KCNIP1: variants seen among roughly 807,000 people sequenced by gnomAD.
KCNIP1 encodes the protein potassium voltage-gated channel interacting protein 1.
KCNIP1 carries 18 observed loss-of-function variants against 33.0 expected under a neutral mutation model. That is an observed-to-expected ratio of 0.55 (90% confidence interval 0.38 to 0.81). The LOEUF is 0.81. Ranked by LOEUF, KCNIP1 falls within the 30% of genes least tolerant of loss-of-function variation. The pLI is 0.00. For missense variants in KCNIP1, 238 were observed against 271.6 expected (o/e 0.88, Z 0.87); for synonymous variants, 93 against 98.3 (o/e 0.95, Z 0.32).
intron 1 of KCNIP1, among the ~76,000 whole-genome samples, chr5:170,671,969 A>G (rs540543691): frequency 1.3e-5 from 2 of 152,326 alleles, no homozygotes; most frequent in South Asian, 2.1e-4. Flanking sequence ...GAGTGCTACA[A>G]TAGATGGAGG....
intron 1 of KCNIP1, among the ~76,000 whole-genome samples, chr5:170,564,656 C>T (rs1054038558): frequency 6.6e-6 from 1 of 152,188 alleles, no homozygotes; most frequent in Non-Finnish European, 1.5e-5. Flanking sequence ...AGTGCTGGGA[C>T]GTGGTATTGT....
intron 1 of KCNIP1, chr5:170,375,668 A>G (rs1763970979): frequency 6.6e-6 from 1 of 152,458 alleles, no homozygotes; most frequent in Admixed American, 6.5e-5. Context: ...GATGCCAGGT[A>G]CTGGAACACA....
intron 1 of KCNIP1, among the ~76,000 whole-genome samples, chr5:170,702,224 G>A (rs36103116): frequency 2.4e-4 from 37 of 152,176 alleles, no homozygotes; most frequent in African/African-American, 8.9e-4. Context: ...CACTCAGTAA[G>A]TATTTGTCGA....
At chr5:170,407,106 C>T (rs934467537) in intron 1 of KCNIP1, among the ~76,000 whole-genome samples, 1 of 152,194 alleles carries the variant, frequency 6.6e-6, no homozygotes, top group Non-Finnish European at 1.5e-5. Context: ...GGGAAACAGC[C>T]TAGGGTCTGT....
rs1757167551 is a variant in KCNIP1 at position 170,489,586 on chromosome 5, A to C, written c.88+135622A>C. On this transcript the variant is annotated intron_variant, in intron 1 of 7. Coordinates refer to the KCNIP1 transcript ENST00000377360. This position sits in a 1 kb window ranked among gnomAD's most constrained non-coding sequence, Gnocchi z 4.3. ...TCAGACAGTTCTGAGCAGACCACGC[A>C]AAATACAACTGTGATGTTATTTGCA... Among the ~76,000 whole-genome samples, 1 of 152,222 alleles carries C rather than the reference A, an allele frequency of 6.6e-6. No homozygotes were observed. The highest frequency in any genetic ancestry group is 2.1e-4 in the South Asian group (1 of 4,828).
chr5:170,664,213 C>G (rs55998715), intron 1 of KCNIP1, among the ~76,000 whole-genome samples: 14,154 of 152,204 alleles, frequency 0.093, 728 homozygotes, highest in South Asian at 0.1. Context: ...TCTTGCACAT[C>G]CTGCACTCTA....
At chr5:170,693,504 C>T (rs888846225) in intron 1 of KCNIP1, among the ~76,000 whole-genome samples, 3 of 152,124 alleles carry the variant, frequency 2.0e-5, no homozygotes, top group African/African-American at 4.8e-5. Context: ...AGGTGAAGAA[C>T]GTACAGAAGC....
chr5:170,655,754 G>C (rs1340696571), intron 1 of KCNIP1, among the ~76,000 whole-genome samples: 2 of 152,130 alleles, frequency 1.3e-5, no homozygotes, highest in African/African-American at 4.8e-5. Context: ...CATTCTGCTT[G>C]GGGAAATTTT....
intron 5 of KCNIP1, among the ~76,000 whole-genome samples, chr5:170,726,883 C>G (rs1247497505): frequency 6.6e-6 from 1 of 151,762 alleles, no homozygotes; most frequent in Non-Finnish European, 1.5e-5. Flanking sequence ...TGCACTCCAG[C>G]CTGGGTGACA....
intron 1 of KCNIP1, among the ~76,000 whole-genome samples, chr5:170,658,934 T>A (rs1761373586): frequency 6.6e-6 from 1 of 152,158 alleles, no homozygotes; most frequent in African/African-American, 2.4e-5. Context: ...GCCTCACAGC[T>A]GACAGATCAC....
intron 3 of KCNIP1, 79 bp from the exon 4 acceptor site, chr5:170,721,754 G>A (rs1183299070): frequency 1.1e-5 from 17 of 1,613,908 alleles, no homozygotes; most frequent in Admixed American, 1.0e-4. Flanking sequence ...CTTTCTTGTC[G>A]AAGCCCTGCC....
intron 1 of KCNIP1, among the ~76,000 whole-genome samples, chr5:170,415,818 G>A (rs1369939102): frequency 6.6e-6 from 1 of 152,172 alleles, no homozygotes; most frequent in Non-Finnish European, 1.5e-5. Flanking sequence ...GGATAAAGGT[G>A]AGGACGAGGT....
intron 5 of KCNIP1, among the ~76,000 whole-genome samples, chr5:170,731,343 A>C (rs746303070): frequency 6.6e-6 from 1 of 152,232 alleles, no homozygotes; most frequent in Non-Finnish European, 1.5e-5. Context: ...TCAAATTGAG[A>C]GACATTCTAC....
chr5:170,579,909 G>T (rs993032727), intron 1 of KCNIP1, among the ~76,000 whole-genome samples: 1 of 151,884 alleles, frequency 6.6e-6, no homozygotes, highest in Non-Finnish European at 1.5e-5. Flanking sequence ...CTCATTACTG[G>T]CTTACATACT....
At chr5:170,534,000 C>T (rs1303484346) in intron 1 of KCNIP1, among the ~76,000 whole-genome samples, 1 of 152,212 alleles carries the variant, frequency 6.6e-6, no homozygotes, top group Non-Finnish European at 1.5e-5. Context: ...GGTGCCCAGA[C>T]TCACTTTGCA....
In KCNIP1 at chr5:170,353,863, TC is replaced by T; in HGVS notation, c.-10del. ...CTGGGTGCTGACAGCAGAGCCTGGCTCCCCTCCGCCACCATGAGCGGCTGCT... is the reference window on the plus strand; with the variant it reads ...CTGGGTGCTGACAGCAGAGCCTGGCTCCCTCCGCCACCATGAGCGGCTGCT... On this transcript the variant is annotated 5_prime_UTR_variant, in exon 1 of 8. Transcript: ENST00000377360. 3.1e-6 allele frequency: 5 copies of T among 1,613,224 alleles called. No homozygotes were observed. The South Asian group carries it at 5.5e-5, about 18-fold the overall frequency.
chr5:170,404,045 C>T (rs1754973112), intron 1 of KCNIP1, among the ~76,000 whole-genome samples: 1 of 152,120 alleles, frequency 6.6e-6, no homozygotes, highest in Non-Finnish European at 1.5e-5. Flanking sequence ...GAGCACATGG[C>T]TTAAGTCTCC....
At position 170,421,698 on chromosome 5, in the gene KCNIP1, T is replaced by G. The variant is rs541020969; in HGVS notation, c.88+67734T>G. 2.6e-5 allele frequency among the ~76,000 whole-genome samples: 4 copies of G among 152,322 alleles called. No individual in the cohort carries two copies. The East Asian group carries it at 7.7e-4, about 29-fold the overall frequency. ...GTCCCCACCTCCCAACACCATCATC[T>G]TCATGATTAGATTTCAATATATGAA... is the stretch of plus-strand genomic sequence containing the variant. On this transcript the variant is annotated intron_variant, in intron 1 of 7. Coordinates refer to the KCNIP1 transcript ENST00000377360.
intron 1 of KCNIP1, among the ~76,000 whole-genome samples, chr5:170,605,310 A>C (rs1041328430): frequency 6.6e-6 from 1 of 152,080 alleles, no homozygotes; most frequent in Non-Finnish European, 1.5e-5. Flanking sequence ...AAGACCATTT[A>C]GCCTCTGCTC....
Sources: allele counts gnomAD v4.1 joint callset (sites outside exome capture counted in the v4.1 genomes callset), GRCh38; gene constraint gnomAD v4.1.1; non-coding constraint Gnocchi (gnomAD v3.1); transcripts MANE v1.5; gene names NCBI Gene and HGNC (gene_info 2026-07-23, HGNC 2026-07-21).